Variants in PDE1C observed in about 807,000 individuals in gnomAD.
The protein encoded by PDE1C is dual specificity calcium/calmodulin-dependent 3',5'-cyclic nucleotide phosphodiesterase 1C.
A neutral mutation model predicts 93.1 loss-of-function variants in PDE1C; 62 were observed. The ratio of observed to expected loss-of-function variants is 0.67; its 90% confidence interval spans 0.54 to 0.82. The LOEUF is 0.82. Among genes scored for constraint, PDE1C ranks in the 40% least tolerant of loss-of-function variants. The pLI is 0.00. For missense variants in PDE1C, 742 were observed against 884.6 expected, an observed-to-expected ratio of 0.84 and a Z score of 2.04; for synonymous variants, 325 against 310.1, an observed-to-expected ratio of 1.05 and a Z score of -0.50.
chr7:31,814,081 T>TACACACACACAC (rs141676874), intron 15 of PDE1C, among the ~76,000 whole-genome samples: 227 of 149,518 alleles, frequency 1.5e-3, no homozygotes, highest in African/African-American at 5.0e-3. Flanking sequence ...CATATATATG[T>TACACACACACAC]ACACACACAC....
intron 2 of PDE1C, among the ~76,000 whole-genome samples, chr7:31,916,991 C>G (rs1802007327): frequency 6.6e-6 from 1 of 152,064 alleles, no homozygotes; most frequent in Admixed American, 6.6e-5. Flanking sequence ...ACACTGTATT[C>G]CATAGCCCAT....
intron 3 of PDE1C, among the ~76,000 whole-genome samples, chr7:32,107,282 G>A (rs982534525): frequency 1.3e-4 from 19 of 149,010 alleles, no homozygotes; most frequent in Admixed American, 1.1e-3. Context: ...GAGAGGGAGG[G>A]AAGGAGGGAG....
Position 32,404,163 on chromosome 7 carries a change from C to T in PDE1C, c.310+23659G>A, listed in dbSNP as rs1353271508. Reference sequence around the variant, plus strand: ...TAAGCTCTCTGTGCTTCCCTTTTCTCGTGGCTGCAATGGGAATTGCCATGG... The same window carrying T: ...TAAGCTCTCTGTGCTTCCCTTTTCTTGTGGCTGCAATGGGAATTGCCATGG... On this transcript the variant is annotated intron_variant, in intron 1 of 1. Transcript: ENST00000672256. 9.2e-5 allele frequency among the ~76,000 whole-genome samples: 14 copies of T among 152,090 alleles called. No homozygotes were observed. In the East Asian group the frequency reaches 2.3e-3, roughly 25 times the overall value.
intron 2 of PDE1C, among the ~76,000 whole-genome samples, chr7:32,038,381 T>C (rs1026232513): frequency 1.3e-5 from 2 of 152,136 alleles, no homozygotes; most frequent in South Asian, 2.1e-4. Context: ...AGAGAGTTAA[T>C]TATGATGAAG....
the PDE1C span, chr7:31,697,160 C>A: frequency 6.2e-7 from 1 of 1,606,622 alleles, no homozygotes; most frequent in Non-Finnish European, 8.5e-7. Context: ...GTGATGGGGA[C>A]AGGTCAAGAA....
chr7:32,246,449 A>G (rs184447411), intron 1 of PDE1C, among the ~76,000 whole-genome samples: 1 of 152,312 alleles, frequency 6.6e-6, no homozygotes, highest in Non-Finnish European at 1.5e-5. Context: ...AAAGCCCAGA[A>G]GATCAGACAC....
chr7:31,788,143 A>G (rs1242139049), intron 16 of PDE1C: 1 of 152,106 alleles, frequency 6.6e-6, no homozygotes, highest in East Asian at 1.9e-4. Context: ...TCTTTTTCAA[A>G]TGTTGTTTCT....
chr7:32,405,949 T>C (rs1036464066), intron 1 of PDE1C, among the ~76,000 whole-genome samples: 1 of 152,162 alleles, frequency 6.6e-6, no homozygotes, highest in African/African-American at 2.4e-5. Flanking sequence ...CCTCACGCAT[T>C]AGAGCAATAA....
intron 16 of PDE1C, among the ~76,000 whole-genome samples, chr7:31,801,105 A>G (rs1399172181): frequency 6.6e-6 from 1 of 150,884 alleles, no homozygotes; most frequent in Non-Finnish European, 1.5e-5. Flanking sequence ...AGACAAAGTA[A>G]ACCCAATAGC....
chr7:32,023,733 G>A (rs1789027869), intron 2 of PDE1C, among the ~76,000 whole-genome samples: 1 of 152,060 alleles, frequency 6.6e-6, no homozygotes, highest in South Asian at 2.1e-4. Context: ...ATAAAGAACA[G>A]AGTAACAGTT....
intron 1 of PDE1C, among the ~76,000 whole-genome samples, chr7:32,267,409 G>A (rs1810662098): frequency 1.3e-5 from 2 of 152,178 alleles, no homozygotes; most frequent in African/African-American, 4.8e-5. Flanking sequence ...AACATGTGGA[G>A]TGAAAAGAGG....
intron 2 of PDE1C, among the ~76,000 whole-genome samples, chr7:31,990,316 C>T (rs890864645): frequency 7.9e-5 from 12 of 152,140 alleles, no homozygotes; most frequent in East Asian, 1.9e-4. Context: ...AATGGGAGTT[C>T]CCCCACATAA....
chr7:32,181,992 C>T (rs1332216785), intron 2 of PDE1C, among the ~76,000 whole-genome samples: 2 of 152,170 alleles, frequency 1.3e-5, no homozygotes, highest in African/African-American at 2.4e-5. Context: ...CACAGAAATA[C>T]AAACTACCAT....
chr7:32,321,858 C>A (rs1240738054), intron 1 of PDE1C, among the ~76,000 whole-genome samples: 4 of 152,182 alleles, frequency 2.6e-5, no homozygotes, highest in African/African-American at 9.7e-5. Context: ...TTGTTCAAAT[C>A]TCCTTAATCC....
chr7:32,253,998 G>A (rs1809593937), intron 1 of PDE1C, among the ~76,000 whole-genome samples: 1 of 152,190 alleles, frequency 6.6e-6, no homozygotes, highest in African/African-American at 2.4e-5. Context: ...GCTCACTACT[G>A]AGAAAATGCA....
At chr7:31,847,862 G>A (rs986331810) in intron 9 of PDE1C, 106 bp downstream of exon 9, 20 of 1,172,286 alleles carry the variant, frequency 1.7e-5, no homozygotes, top group African/African-American at 4.5e-5. Context: ...AAAGCAACAC[G>A]AATCAACATT....
At chr7:32,136,351 TTTA>T (rs1800210093) in intron 3 of PDE1C, among the ~76,000 whole-genome samples, 1 of 148,234 alleles carries the variant, frequency 6.7e-6, no homozygotes, top group African/African-American at 2.6e-5. Context: ...TATTTATTTA[TTTA>T]TTTTTGAGAC....
At chr7:31,941,692 T>G (rs1401148255) in intron 2 of PDE1C, 1 of 152,432 alleles carries the variant, frequency 6.6e-6, no homozygotes, top group African/African-American at 2.4e-5. Context: ...TTTTAGGAAC[T>G]GAACATTGGA....
intron 2 of PDE1C, among the ~76,000 whole-genome samples, chr7:32,187,027 T>C (rs896947026): frequency 6.6e-6 from 1 of 152,226 alleles, no homozygotes; most frequent in Admixed American, 6.5e-5. Flanking sequence ...TGAAACATTC[T>C]TGCCTATCAT....
Sources: allele counts gnomAD v4.1 joint callset (sites outside exome capture counted in the v4.1 genomes callset), GRCh38; gene constraint gnomAD v4.1.1; transcripts MANE v1.5; gene names NCBI Gene and HGNC (gene_info 2026-07-23, HGNC 2026-07-21).